Variants in ZC3H6 observed in about 807,000 individuals in gnomAD.
ZC3H6 encodes the protein zinc finger CCCH-type containing 6.
A neutral mutation model predicts 107.7 loss-of-function variants in ZC3H6; 40 were observed. The ratio of observed to expected loss-of-function variants is 0.37; its 90% CI spans 0.29 to 0.48. The LOEUF is 0.48. ZC3H6 is among the 20% of genes least tolerant of loss of function. The pLI is 0.98. For synonymous variants in ZC3H6, 493 were observed against 487.9 expected, an observed-to-expected ratio of 1.01 and a Z score of -0.14; for missense variants, 1,267 against 1,410.4, an observed-to-expected ratio of 0.90 and a Z score of 1.63.
chr2:112,325,223 C>T (rs1397982475), intron 11 of ZC3H6, 26 bp downstream of exon 11: 1 of 1,607,440 alleles, frequency 6.2e-7, no homozygotes, highest in Admixed American at 1.7e-5. Context: ...TTAATAGCAT[C>T]TTACCTATTT....
At chr2:112,318,804 T>C (rs917574051) in intron 7 of ZC3H6, among the ~76,000 whole-genome samples, 23 of 152,186 alleles carry the variant, frequency 1.5e-4, no homozygotes, top group Non-Finnish European at 1.5e-5. Flanking sequence ...GCTAAAATCA[T>C]GAGGTGAAAA....
chr2:112,293,715 T>C (rs2104701377), intron 1 of ZC3H6, among the ~76,000 whole-genome samples: 2 of 152,306 alleles, frequency 1.3e-5, no homozygotes, highest in South Asian at 2.1e-4. Flanking sequence ...ACTATACATG[T>C]GCTATTTAGG....
chr2:112,304,508 G>A (rs1676439822), intron 3 of ZC3H6, among the ~76,000 whole-genome samples: 2 of 152,020 alleles, frequency 1.3e-5, no homozygotes, highest in South Asian at 4.2e-4. Flanking sequence ...TCCTAACATG[G>A]TCATCCCTCT....
chr2:112,303,742 A>G (rs1676427262), intron 3 of ZC3H6, among the ~76,000 whole-genome samples: 1 of 152,206 alleles, frequency 6.6e-6, no homozygotes, highest in South Asian at 2.1e-4. Flanking sequence ...AAGGCTGAAT[A>G]ATATTCCGTT....
chr2:112,299,310 A>G (rs934615485), intron 1 of ZC3H6, among the ~76,000 whole-genome samples: 1 of 151,854 alleles, frequency 6.6e-6, no homozygotes, highest in African/African-American at 2.4e-5. Context: ...AACTGTATGC[A>G]TAGGGACAAG....
Position 112,316,497 on chromosome 2 carries a change from G to T in ZC3H6, c.775G>T (p.Val259Phe), listed in dbSNP as rs202247252. ...TAATAAACCAGGGAAAAAATGGAAG[G>T]TTATGACTCAGGAATTTATTAATCA... is the stretch of plus-strand genomic sequence containing the variant. ...EYNKPGKKWKVMTQEFINQHT... is the reference protein window; with the variant it reads ...EYNKPGKKWKFMTQEFINQHT... Residue 259 changes from valine to phenylalanine, a missense_variant, in exon 6 of 12, where the codon GTT (valine) becomes TTT (phenylalanine). Around this residue, in one of 3 missense-constraint regions of ZC3H6, gnomAD observed 337 missense variants for 361.2 expected, o/e 0.93. Coordinates refer to ENST00000409871, the MANE Select transcript of ZC3H6 (RefSeq NM_198581.3). 1.2e-4 allele frequency: 193 copies of T among 1,608,776 alleles called. No individual in the cohort carries two copies. Among genetic ancestry groups the T allele is most frequent in the Non-Finnish European group, 1.6e-4 (184 of 1,178,158 alleles).
intron 3 of ZC3H6, among the ~76,000 whole-genome samples, chr2:112,303,556 C>T (rs1182785823): frequency 6.6e-6 from 1 of 152,114 alleles, no homozygotes; most frequent in African/African-American, 2.4e-5. Flanking sequence ...TCCCCTGCCC[C>T]CAGCCCCTGA....
chr2:112,281,238 C>T (rs1686520364), intron 1 of ZC3H6, among the ~76,000 whole-genome samples: 1 of 152,052 alleles, frequency 6.6e-6, no homozygotes, highest in Admixed American at 6.5e-5. Flanking sequence ...TGATACAAGA[C>T]AACAATTCAG....
rs1009866107 is a variant in ZC3H6, at chr2:112,333,638, C to T, written c.*1150C>T. 1.3e-5 allele frequency: 2 copies of T among 151,956 alleles called. No homozygotes were observed. The highest frequency in any genetic ancestry group is 6.6e-5 in the Admixed American group (1 of 15,240). 9.4% of individuals were successfully genotyped at this position (151,956 alleles called of 1,614,324 possible). On this transcript the variant is annotated 3_prime_UTR_variant, in exon 12 of 12. Coordinates refer to ENST00000409871, the MANE Select transcript of ZC3H6 (RefSeq NM_198581.3). ...TGTATTCATTCTTGTGTATTTATTA[C>T]AATATATAAATAATGGCAACTCTTT...
At chr2:112,302,955 A>G (rs1355253977) in intron 2 of ZC3H6, among the ~76,000 whole-genome samples, 1 of 152,096 alleles carries the variant, frequency 6.6e-6, no homozygotes, top group Non-Finnish European at 1.5e-5. Flanking sequence ...ATTTTAGAGC[A>G]TAGGGGCAGA....
chr2:112,299,503 A>G (rs949726397), intron 1 of ZC3H6, among the ~76,000 whole-genome samples: 1 of 152,172 alleles, frequency 6.6e-6, no homozygotes, highest in Non-Finnish European at 1.5e-5. Context: ...AAGAAAATTT[A>G]GTAGATGGTA....
intron 1 of ZC3H6, among the ~76,000 whole-genome samples, chr2:112,294,816 C>G (rs1254073777): frequency 6.6e-6 from 1 of 152,140 alleles, no homozygotes; most frequent in Non-Finnish European, 1.5e-5. Context: ...GACGAGGGTA[C>G]TGACCATTTT....
intron 11 of ZC3H6, among the ~76,000 whole-genome samples, chr2:112,330,007 G>T (rs1676994001): frequency 6.6e-6 from 1 of 151,822 alleles, no homozygotes; most frequent in Admixed American, 6.6e-5. Flanking sequence ...GGCTTTAAGA[G>T]TAAGACTCAA....
intron 1 of ZC3H6, among the ~76,000 whole-genome samples, chr2:112,283,304 T>TTTA (rs1428590752): frequency 7.9e-5 from 12 of 152,218 alleles, no homozygotes; most frequent in Admixed American, 5.9e-4. Context: ...TATAAATGAT[T>TTTA]TTATATTTGT....
In ZC3H6 at chr2:112,322,897, G is replaced by A. The variant is rs745669776; in HGVS notation, c.1335G>A (p.Gly445=). The A allele has an allele frequency of 1.0e-4, 160 of 1,570,642 alleles. No individual in the cohort carries two copies. Among genetic ancestry groups the A allele is most frequent in the Non-Finnish European group, 1.3e-4 (151 of 1,163,740 alleles). ...CTGTGGATTTAGCGCATAAAATTGG[G>A]AGGAAGTAAGTGAAAAACTTTCAAA... The part of the protein sequence containing the change: ...KPTVDLAHKI[G]RKPPAFYTSA... The change falls in exon 9 of 12, where the codon GGG becomes GGA. Residue 445 remains glycine (G), a synonymous_variant. Coordinates refer to ENST00000409871, the MANE Select transcript of ZC3H6 (RefSeq NM_198581.3).
intron 1 of ZC3H6, among the ~76,000 whole-genome samples, chr2:112,282,948 CT>C (rs1686552286): frequency 6.6e-6 from 1 of 152,108 alleles, no homozygotes; most frequent in African/African-American, 2.4e-5. Context: ...TGTTTTGTAC[CT>C]TTCCTTTTTC....
intron 1 of ZC3H6, among the ~76,000 whole-genome samples, chr2:112,289,062 CTTTTTTTT>C (rs532443613): frequency 8.0e-6 from 1 of 125,288 alleles, no homozygotes; most frequent in Non-Finnish European, 1.8e-5. Context: ...TCTTTTTTTT[CTTTTTTTT>C]TTTTGAGACA....
rs2104722692 is a variant in ZC3H6, at chr2:112,324,619, C to T, written c.1808C>T (p.Ala603Val). 6.2e-7 allele frequency: 1 copy of T among 1,610,688 alleles called. No individual in the cohort carries two copies. The highest frequency in any genetic ancestry group is 1.1e-5 in the South Asian group (1 of 90,490). Residue 603 changes from alanine (A) to valine (V), a missense_variant, in exon 10 of 12, where the codon GCA (alanine) becomes GTA (valine). By Grantham distance (64) the Ala-to-Val change is moderately conservative (BLOSUM62 0). Transcript: ENST00000409871. Reference protein sequence around the residue: ...NPAEFYDNYYAQHSIHNFQPP... With the variant: ...NPAEFYDNYYVQHSIHNFQPP... ...GCTGAGTTTTACGATAATTACTATG[C>T]ACAGCATTCTATACATAATTTTCAG...
At chr2:112,302,605 TGGA>T (rs1676401805) in intron 2 of ZC3H6, among the ~76,000 whole-genome samples, 1 of 152,144 alleles carries the variant, frequency 6.6e-6, no homozygotes, top group South Asian at 2.1e-4. Flanking sequence ...TCTGACCAGA[TGGA>T]GGAGATTTGG....
Sources: allele counts gnomAD v4.1 joint callset (sites outside exome capture counted in the v4.1 genomes callset), GRCh38; gene constraint gnomAD v4.1.1; regional missense constraint gnomAD v4.1.1; transcripts MANE v1.5; gene names NCBI Gene and HGNC (gene_info 2026-07-23, HGNC 2026-07-21).